Variants in TMEM45B observed in about 807,000 individuals in gnomAD.
TMEM45B encodes transmembrane protein 45B.
In TMEM45B, 29 loss-of-function variants were observed where a neutral mutation model predicts 27.3. The ratio of observed to expected loss-of-function variants is 1.06; its 90% CI spans 0.79 to 1.45. The LOEUF (loss-of-function observed/expected upper bound fraction) is 1.45, where lower values mean the gene tolerates loss of function less well. Among genes scored for constraint, TMEM45B ranks in the 40% most tolerant of loss-of-function variants. TMEM45B has a pLI of 0.00. For missense variants in TMEM45B, 348 were observed against 343.9 expected (o/e 1.01, Z -0.09); for synonymous variants, 143 against 134.7 (o/e 1.06, Z -0.43).
chr11:129,852,455 G>C lies in TMEM45B; in HGVS notation c.-8-20G>C. On this transcript the variant is annotated intron_variant, in intron 1 of 5. Coordinates refer to ENST00000281441, the MANE Select transcript of TMEM45B (RefSeq NM_138788.5). Reference sequence around the variant, plus strand: ...TGCTTGCTTCATTAGCCACCTAACAGCCTTCCCCTAATTTTTTAGGTGTCC... The same window carrying C: ...TGCTTGCTTCATTAGCCACCTAACACCCTTCCCCTAATTTTTTAGGTGTCC... 3 of 1,577,958 alleles carry C rather than the reference G, an allele frequency of 1.9e-6. No homozygotes were observed. Among genetic ancestry groups the C allele is most frequent in the Non-Finnish European group, 2.6e-6 (3 of 1,152,534 alleles).
chr11:129,826,258 C>T (rs905280677), intron 1 of TMEM45B, among the ~76,000 whole-genome samples: 1 of 152,036 alleles, frequency 6.6e-6, no homozygotes, highest in Non-Finnish European at 1.5e-5. Flanking sequence ...CCCTATTTAA[C>T]AAATAAAGAG....
rs751240503 is a variant in TMEM45B, at chr11:129,852,618, G to A, written c.136G>A (p.Glu46Lys). The change falls in exon 2 of 6, where the codon GAG becomes AAG. Residue 46 changes from glutamate (E) to lysine (K), a missense_variant. Physicochemically the swap from Glu to Lys is moderately conservative, Grantham distance 56. Transcript: ENST00000281441. ...NSPLHYYQRL[E>K]IVEAAIRTLF... Reference sequence around the variant, plus strand: ...CCCACTACATTACTATCAGCGTCTCGAGATCGTCGAAGCCGCAATTAGGAC... The same window carrying A: ...CCCACTACATTACTATCAGCGTCTCAAGATCGTCGAAGCCGCAATTAGGAC... 5.0e-6 allele frequency: 8 copies of A among 1,612,428 alleles called. No individual in the cohort carries two copies. The highest frequency in any genetic ancestry group is 2.2e-5 in the South Asian group (2 of 91,044).
At position 129,852,580 on chromosome 11, in the gene TMEM45B, C is replaced by A. The variant is rs931153000; in HGVS notation, c.98C>A (p.Thr33Lys). ...VKYPLKYFSH[T>K]RKNSPLHYYQ... is the part of the protein sequence containing the mutation. ...TACCCGCTGAAGTACTTTAGCCACA[C>A]GCGGAAGAACAGCCCACTACATTAC... is the stretch of plus-strand genomic sequence containing the variant. The change falls in exon 2 of 6, where the codon ACG becomes AAG. Residue 33 changes from threonine to lysine, a missense_variant. Coordinates refer to ENST00000281441, the MANE Select transcript of TMEM45B (RefSeq NM_138788.5). 2 of 1,613,806 alleles carry A rather than the reference C, an allele frequency of 1.2e-6. No individual in the cohort carries two copies. The highest frequency in any genetic ancestry group is 2.7e-5 in the African/African-American group (2 of 74,874).
rs765825131 is a variant in TMEM45B, at chr11:129,858,585, G to A, written c.728G>A (p.Arg243Gln). ...TTTCTCTATTAAAGCCTTTTGACTCGGATGAAGAGACACGGAAGGGGAGAA... is the reference window on the plus strand; with the variant it reads ...TTTCTCTATTAAAGCCTTTTGACTCAGATGAAGAGACACGGAAGGGGAGAA... ...NYSLVYCLLT[R>Q]MKRHGRGEII... The change falls in exon 6 of 6, where the codon CGG becomes CAG. Residue 243 changes from arginine to glutamine, a missense_variant. Arg to Gln is a conservative substitution (Grantham distance 43). Coordinates refer to ENST00000281441, the MANE Select transcript of TMEM45B (RefSeq NM_138788.5). 29 of 1,584,234 alleles carry A rather than the reference G, an allele frequency of 1.8e-5. No individual in the cohort carries two copies. The highest frequency in any genetic ancestry group is 1.7e-4 in the Middle Eastern group (1 of 6,060).
chr11:129,855,883 G>C lies in TMEM45B; in HGVS notation c.561G>C (p.Trp187Cys). Residue 187 changes from tryptophan (W) to cysteine (C), a missense_variant, in exon 4 of 6, where the codon TGG (tryptophan) becomes TGC (cysteine). Coordinates refer to ENST00000281441, the MANE Select transcript of TMEM45B (RefSeq NM_138788.5). ...GTCTCATCATTCTTCAGGGAACCTG[G>C]TTCTGGCAGGTGATTTTCCACACCC... is the stretch of plus-strand genomic sequence containing the variant. ...RTSLIILQGT[W>C]FWQIGFVLFP... The C allele has an allele frequency of 1.2e-6, 2 of 1,614,064 alleles. No individual in the cohort carries two copies. Among genetic ancestry groups the C allele is most frequent in the Non-Finnish European group, 1.7e-6 (2 of 1,179,968 alleles).
In TMEM45B at chr11:129,855,825, G is replaced by C. The variant is rs549481514; in HGVS notation, c.503G>C (p.Arg168Pro). ...AGTATCTCCCTAGAGGTGATCTTCCGGGACCACATTGTGCTGGAACTTTTC... is the reference window on the plus strand; with the variant it reads ...AGTATCTCCCTAGAGGTGATCTTCCCGGACCACATTGTGCTGGAACTTTTC... ...CVSISLEVIF[R>P]DHIVLELFRT... Residue 168 changes from arginine to proline, a missense_variant, in exon 4 of 6, where the codon CGG (arginine) becomes CCG (proline). Coordinates refer to ENST00000281441, the MANE Select transcript of TMEM45B (RefSeq NM_138788.5). 1 of 1,614,056 alleles carries C rather than the reference G, an allele frequency of 6.2e-7. No individual in the cohort carries two copies. Among genetic ancestry groups the C allele is most frequent in the African/African-American group, 1.3e-5 (1 of 74,992 alleles).
At chr11:129,850,156 T>TGCTG (rs56172766) in intron 1 of TMEM45B, among the ~76,000 whole-genome samples, 2 of 151,794 alleles carry the variant, frequency 1.3e-5, no homozygotes, top group African/African-American at 4.9e-5. Flanking sequence ...CACGTTTTTT[T>TGCTG]TTTTGTTGAT....
intron 1 of TMEM45B, among the ~76,000 whole-genome samples, chr11:129,843,611 A>AT (rs1273473293): frequency 6.6e-6 from 1 of 152,062 alleles, no homozygotes; most frequent in African/African-American, 2.4e-5. Context: ...TTGAGAAAAA[A>AT]AAAAAAAAGT....
chr11:129,854,064 A>T (rs1295324610), intron 2 of TMEM45B, among the ~76,000 whole-genome samples: 1 of 152,198 alleles, frequency 6.6e-6, no homozygotes, highest in African/African-American at 2.4e-5. Context: ...CAGGGCTTGC[A>T]GAGCTGGCTC....
At chr11:129,839,271 G>C (rs972269392) in intron 1 of TMEM45B, among the ~76,000 whole-genome samples, 26 of 152,218 alleles carry the variant, frequency 1.7e-4, no homozygotes, top group African/African-American at 5.8e-4. Flanking sequence ...AGATCAGCTG[G>C]GGATTTAATA....
intron 1 of TMEM45B, among the ~76,000 whole-genome samples, chr11:129,845,420 C>A (rs1947748529): frequency 1.3e-5 from 2 of 151,458 alleles, no homozygotes; most frequent in African/African-American, 4.9e-5. Flanking sequence ...GGAACAAAGT[C>A]ACTATATTTT....
At chr11:129,830,867 C>T (rs568504597) in intron 1 of TMEM45B, among the ~76,000 whole-genome samples, 2 of 152,294 alleles carry the variant, frequency 1.3e-5, no homozygotes, top group South Asian at 4.1e-4. Flanking sequence ...AGGGTCTAGC[C>T]ACTTTTGAAA....
intron 1 of TMEM45B, among the ~76,000 whole-genome samples, chr11:129,849,299 A>C (rs1460243927): frequency 1.3e-5 from 2 of 152,220 alleles, no homozygotes; most frequent in Non-Finnish European, 2.9e-5. Flanking sequence ...AGATGTTTCT[A>C]GTCCAAAAGG....
chr11:129,840,831 T>C lies in TMEM45B; in HGVS notation c.-8-11644T>C, dbSNP rs1947680254. On this transcript the variant is annotated intron_variant, in intron 1 of 5. Transcript: ENST00000281441. The stretch of plus-strand genomic sequence containing the variant: ...AGGCAGAGGTTGCAGTGAGCCAAGA[T>C]TGCACCATTGCACTCCAGCCTGGGC... Among the ~76,000 whole-genome samples the C allele has an allele frequency of 2.0e-5, 3 of 151,072 alleles. No individual in the cohort carries two copies. In the South Asian group the frequency reaches 6.3e-4, roughly 32 times the overall value.
intron 1 of TMEM45B, among the ~76,000 whole-genome samples, chr11:129,847,774 A>AT: frequency 6.6e-6 from 1 of 152,220 alleles, no homozygotes; most frequent in Middle Eastern, 3.4e-3. Flanking sequence ...AAAGTCTCCC[A>AT]TGTCTACTTC....
At chr11:129,854,023 G>C (rs776054964) in intron 2 of TMEM45B, among the ~76,000 whole-genome samples, 118 of 152,260 alleles carry the variant, frequency 7.7e-4, no homozygotes, top group Non-Finnish European at 1.5e-3. Flanking sequence ...TTGTTTACCC[G>C]GTGTTTTAAA....
intron 1 of TMEM45B, among the ~76,000 whole-genome samples, chr11:129,832,197 C>T (rs1032497912): frequency 6.6e-6 from 1 of 151,860 alleles, no homozygotes; most frequent in Non-Finnish European, 1.5e-5. Flanking sequence ...GGTGAAACCC[C>T]GTTTCTACTA....
intron 1 of TMEM45B, among the ~76,000 whole-genome samples, chr11:129,840,866 G>A (rs757650986): frequency 1.0e-4 from 14 of 134,162 alleles, no homozygotes; most frequent in East Asian, 4.8e-4. Flanking sequence ...CAACAAGAGC[G>A]AAACTCCATC....
intron 1 of TMEM45B, among the ~76,000 whole-genome samples, chr11:129,832,762 A>C (rs1466748760): frequency 1.3e-5 from 2 of 152,186 alleles, no homozygotes; most frequent in African/African-American, 4.8e-5. Context: ...GTTTCTTTTT[A>C]AGTAGAAGAG....
Sources: gnomAD v4.1 joint callset for allele counts (sites outside exome capture counted in the v4.1 genomes callset) on GRCh38, gnomAD v4.1.1 for gene constraint, MANE v1.5 for transcripts, NCBI Gene and HGNC (gene_info 2026-07-23, HGNC 2026-07-21) for gene names.